GNL3L: variants seen among roughly 807,000 people sequenced by gnomAD.
GNL3L encodes G protein nucleolar 3 like, also known as guanine nucleotide-binding protein-like 3-like protein.
GNL3L carries 4 observed loss-of-function variants against 42.9 expected under a neutral mutation model. The ratio of observed to expected loss-of-function variants is 0.09; its 90% CI spans 0.05 to 0.21. GNL3L has a LOEUF of 0.21. Among genes scored for constraint, GNL3L ranks in the 10% least tolerant of loss-of-function variants. GNL3L has a pLI of 1.00. For synonymous variants in GNL3L, 159 were observed against 176.3 expected, an observed-to-expected ratio of 0.90 and a Z score of 0.78; for missense variants, 412 against 481.7, an observed-to-expected ratio of 0.86 and a Z score of 1.36.
chrX:54,599,764 T>G (rs1456061942), intron 16 of GNL3L, among the ~76,000 whole-genome samples: 1 of 111,145 alleles, frequency 9.0e-6, no homozygotes, highest in Non-Finnish European at 1.9e-5. Context: ...ATTTTCTCTC[T>G]GTTTCTCTGA....
intron 16 of GNL3L, among the ~76,000 whole-genome samples, chrX:54,607,024 CTT>C (rs1331513896): frequency 8.0e-5 from 5 of 62,295 alleles, no homozygotes; most frequent in South Asian, 8.3e-4. Context: ...TTCTTTCTTT[CTT>C]TCTTTCTTTC....
rs772184714 is a variant in GNL3L at position 54,544,314 on chromosome X, G to T, written c.618G>T (p.Gln206His). ...CTTTCAAGGCCAGTACCCAGCATCA[G>T]GTCAAAAACCTGGTAAGCCTGGGGC... Reference protein sequence around the residue: ...TVAFKASTQHQVKNLNRCSVP... With the variant: ...TVAFKASTQHHVKNLNRCSVP... The change falls in exon 8 of 16, where the codon CAG becomes CAT. Residue 206 changes from glutamine (Q) to histidine (H), a missense_variant. Transcript: ENST00000360845. The T allele has an allele frequency of 1.8e-6, 2 of 1,131,921 alleles. No individual in the cohort carries two copies. The highest frequency in any genetic ancestry group is 2.4e-6 in the Non-Finnish European group (2 of 824,151). 93.3% of individuals were successfully genotyped at this position (1,131,921 alleles called of 1,213,427 possible).
chrX:54,539,462 T>C (rs969976980), intron 3 of GNL3L, among the ~76,000 whole-genome samples: 2 of 111,094 alleles, frequency 1.8e-5, no homozygotes, highest in African/African-American at 6.6e-5. Flanking sequence ...ACATCATCTT[T>C]GGTTCCTGGA....
At chrX:54,579,986 GTTTTTTTTTTTTTT>G (rs869217575) in intron 16 of GNL3L, among the ~76,000 whole-genome samples, 1 of 47,704 alleles carries the variant, frequency 2.1e-5, no homozygotes, top group Non-Finnish European at 3.6e-5. Flanking sequence ...CCTAAAGTTT[GTTTTTTTTTTTTTT>G]TTTTTTTTTT....
chrX:54,558,590 C>A lies in GNL3L; in HGVS notation c.1601C>A (p.Pro534His), dbSNP rs755079400. Residue 534 changes from proline (P) to histidine (H), a missense_variant, in exon 15 of 16, where the codon CCC (proline) becomes CAC (histidine). Pro to His is a moderately conservative substitution (Grantham distance 77). Coordinates refer to ENST00000360845, the MANE Select transcript of GNL3L (RefSeq NM_001184819.2). ...SVLQRIMETD[P>H]LQQGQALASA... The stretch of plus-strand genomic sequence containing the variant: ...CTGCAGAGGATCATGGAGACGGACC[C>A]CCTGCAACAGGGCCAGGCTCTGGCA... 6 of 1,208,675 alleles carry A rather than the reference C, an allele frequency of 5.0e-6. No individual in the cohort carries two copies. The African/African-American group carries it at 1.1e-4, about 21-fold the overall frequency.
Position 54,566,589 on chromosome X carries a change from G to A in GNL3L, c.*5987G>A, listed in dbSNP as rs1158601595. Among the ~76,000 whole-genome samples, 2 of 112,185 alleles carry A rather than the reference G, an allele frequency of 1.8e-5. No homozygotes were observed. The highest frequency in any genetic ancestry group is 3.8e-5 in the Non-Finnish European group (2 of 53,236). On this transcript the variant is annotated 3_prime_UTR_variant, in exon 16 of 16. Transcript: ENST00000360845. ...TTTTGTGACTGGCTTATTTCACTTT[G>A]CATAATGTATTCAAGCTTAATCTGT... is the stretch of plus-strand genomic sequence containing the variant.
chrX:54,562,678 A>G lies in GNL3L; in HGVS notation c.*2076A>G, dbSNP rs1718717772. 9.0e-6 allele frequency among the ~76,000 whole-genome samples: 1 copy of G among 110,503 alleles called. No individual in the cohort carries two copies. Among genetic ancestry groups the G allele is most frequent in the African/African-American group, 3.3e-5 (1 of 30,329 alleles). ...CATGGTGGCTCACACCTGTAATCCC[A>G]GTTATGCAGGAGGCTGAGGCAGGAG... On this transcript the variant is annotated 3_prime_UTR_variant, in exon 16 of 16. Coordinates refer to ENST00000360845, the MANE Select transcript of GNL3L (RefSeq NM_001184819.2).
chrX:54,577,879 C>T (rs918642403), intron 16 of GNL3L, among the ~76,000 whole-genome samples: 2 of 110,471 alleles, frequency 1.8e-5, no homozygotes, highest in Admixed American at 9.7e-5. Context: ...GTAGCTTGGA[C>T]TACAGGCGTG....
At chrX:54,585,855 T>G (rs999744368) in intron 16 of GNL3L, among the ~76,000 whole-genome samples, 1 of 111,652 alleles carries the variant, frequency 9.0e-6, no homozygotes, top group Non-Finnish European at 1.9e-5. Flanking sequence ...TCTTTCTTTT[T>G]TGTCAATGTA....
At chrX:54,588,146 T>G (rs1328314457) in intron 16 of GNL3L, among the ~76,000 whole-genome samples, 2 of 112,320 alleles carry the variant, frequency 1.8e-5, no homozygotes, top group African/African-American at 6.5e-5. Context: ...GATTATCATG[T>G]CCTCTGCAAA....
At chrX:54,619,604 C>T (rs1926263508) in intron 16 of GNL3L, among the ~76,000 whole-genome samples, 1 of 110,432 alleles carries the variant, frequency 9.1e-6, no homozygotes, top group Non-Finnish European at 1.9e-5. Flanking sequence ...AATCCTCTTG[C>T]CTCGGCCTTC....
intron 16 of GNL3L, among the ~76,000 whole-genome samples, chrX:54,579,239 T>A (rs935138250): frequency 2.9e-4 from 33 of 112,058 alleles, no homozygotes; most frequent in Non-Finnish European, 5.1e-4. Flanking sequence ...TATCTTTTTT[T>A]AATATGAATT....
At position 54,561,937 on chromosome X, in the gene GNL3L, A is replaced by G. The variant is rs765923477; in HGVS notation, c.*1335A>G. On this transcript the variant is annotated 3_prime_UTR_variant, in exon 16 of 16. Coordinates refer to ENST00000360845, the MANE Select transcript of GNL3L (RefSeq NM_001184819.2). ...GGTAGATGATTGCAACTGAAACACAATCTTCTTTCTTTGCCAGGGTATTTT... is the reference window on the plus strand; with the variant it reads ...GGTAGATGATTGCAACTGAAACACAGTCTTCTTTCTTTGCCAGGGTATTTT... 8.9e-6 allele frequency among the ~76,000 whole-genome samples: 1 copy of G among 111,979 alleles called. No individual in the cohort carries two copies. Among genetic ancestry groups the G allele is most frequent in the South Asian group, 3.7e-4 (1 of 2,680 alleles).
chrX:54,589,880 C>T (rs1167173435), intron 16 of GNL3L, among the ~76,000 whole-genome samples: 2 of 111,288 alleles, frequency 1.8e-5, no homozygotes, highest in African/African-American at 6.5e-5. Flanking sequence ...TCCCTTTTCT[C>T]CACATCTTTG....
Position 54,609,534 on chromosome X carries a change from G to A in GNL3L, c.*46-11311G>A, listed in dbSNP as rs190530255. On this transcript the variant is annotated intron_variant, in intron 16 of 16. Transcript: ENST00000674498. ...TCGAGTTGATTTTTGTATAAGGTGAGAGATGAGGATCCAGTTTCATTCTCC... is the reference window on the plus strand; with the variant it reads ...TCGAGTTGATTTTTGTATAAGGTGAAAGATGAGGATCCAGTTTCATTCTCC... Among the ~76,000 whole-genome samples the A allele has an allele frequency of 2.8e-3, 318 of 112,357 alleles. 1 individual carries two copies. The highest frequency in any genetic ancestry group is 9.7e-3 in the African/African-American group (302 of 31,013).
At chrX:54,623,838 A>AT (rs1278814858), downstream of GNL3L, among the ~76,000 whole-genome samples, 3 of 110,374 alleles carry the variant, frequency 2.7e-5, no homozygotes, top group Non-Finnish European at 5.7e-5. Flanking sequence ...AACACAACTA[A>AT]TTTTTTGTAT....
chrX:54,609,140 C>T (rs1048503110), intron 16 of GNL3L, among the ~76,000 whole-genome samples: 46 of 111,750 alleles, frequency 4.1e-4, no homozygotes, highest in African/African-American at 1.4e-3. Flanking sequence ...GTTTGTTGGC[C>T]GTTTGTATAT....
Position 54,579,986 on chromosome X carries a change from G to GTTTTTTTTT in GNL3L, c.*45+19358_*45+19366dup, listed in dbSNP as rs869217575. Among the ~76,000 whole-genome samples the GTTTTTTTTT allele has an allele frequency of 2.9e-3, 139 of 47,637 alleles. 5 individuals are homozygous for GTTTTTTTTT. Among genetic ancestry groups the GTTTTTTTTT allele is most frequent in the Middle Eastern group, 0.018 (1 of 55 alleles). The allele number at this position is 47,637 out of a possible 115,157, so 41.4% of individuals were successfully genotyped here. A position where few individuals can be genotyped will look rare whatever the true frequency, so the allele number is the denominator to read the frequency against. On this transcript the variant is annotated intron_variant, in intron 16 of 16. Transcript: ENST00000674498. Reference sequence around the variant, plus strand: ...AGCCACTGTGCCTGGCCTAAAGTTTGTTTTTTTTTTTTTTTTTTTTTTTTT... The same window carrying GTTTTTTTTT: ...AGCCACTGTGCCTGGCCTAAAGTTTGTTTTTTTTTTTTTTTTTTTTTTTTTTTTTTTTTT...
chrX:54,577,991 C>T (rs1190495954), intron 16 of GNL3L, among the ~76,000 whole-genome samples: 2 of 111,508 alleles, frequency 1.8e-5, no homozygotes, highest in African/African-American at 6.5e-5. Context: ...AATCTGCCTG[C>T]CTCGGCCTCC....
Sources: gnomAD v4.1 joint callset for allele counts (sites outside exome capture counted in the v4.1 genomes callset) on GRCh38, gnomAD v4.1.1 for gene constraint, MANE v1.5 for transcripts, NCBI Gene and HGNC (gene_info 2026-07-23, HGNC 2026-07-21) for gene names.